Variants in GSTZ1 observed in about 807,000 individuals in gnomAD.
GSTZ1 encodes the protein glutathione S-transferase zeta 1.
A neutral mutation model predicts 35.9 loss-of-function variants in GSTZ1; 34 were observed. The ratio of observed to expected loss-of-function variants is 0.95; its 90% CI spans 0.72 to 1.26. The LOEUF (loss-of-function observed/expected upper bound fraction) is 1.26. Ranked by LOEUF, GSTZ1 falls within the 50% of genes most tolerant of loss-of-function variation. The probability of loss-of-function intolerance (pLI) is 0.00; values close to 1 mark genes in which losing one functional copy is unlikely to be tolerated. For missense variants in GSTZ1, 263 were observed against 271.7 expected, an observed-to-expected ratio of 0.97 and a Z score of 0.23; for synonymous variants, 93 against 101.2, an observed-to-expected ratio of 0.92 and a Z score of 0.49.
Position 77,321,186 on chromosome 14 carries a change from C to A in GSTZ1, c.15+3C>A. ...AGTGCCAGATGCAGGCGGGGAAGGTCTGTGACGCGCACCCGGGTGGAGGGA... is the reference window on the plus strand; with the variant it reads ...AGTGCCAGATGCAGGCGGGGAAGGTATGTGACGCGCACCCGGGTGGAGGGA... On this transcript the variant is annotated splice_donor_region_variant and intron_variant, in intron 1 of 8. Coordinates refer to ENST00000216465, the MANE Select transcript of GSTZ1 (RefSeq NM_145870.3). 2 of 1,480,474 alleles carry A rather than the reference C, an allele frequency of 1.4e-6. No individual in the cohort carries two copies. The highest frequency in any genetic ancestry group is 1.8e-6 in the Non-Finnish European group (2 of 1,108,152). The allele number at this position is 1,480,474 out of a possible 1,614,324, so 91.7% of individuals were successfully genotyped here.
At chr14:77,329,660 G>T in intron 6 of GSTZ1, 95 bp from the exon 7 acceptor site, 1 of 915,824 alleles carries the variant, frequency 1.1e-6, no homozygotes, top group Non-Finnish European at 1.8e-6. Flanking sequence ...TCACTCAGTT[G>T]GGCGCCCATT....
intron 1 of GSTZ1, among the ~76,000 whole-genome samples, chr14:77,321,718 T>C (rs1312900946): frequency 2.0e-5 from 3 of 151,972 alleles, no homozygotes; most frequent in Non-Finnish European, 4.4e-5. Context: ...CCTGTCTCTA[T>C]TAAAATACAA....
intron 1 of GSTZ1, among the ~76,000 whole-genome samples, chr14:77,321,777 G>A (rs1424328627): frequency 1.3e-5 from 2 of 152,058 alleles, no homozygotes; most frequent in Non-Finnish European, 2.9e-5. Context: ...CAGCTACTCG[G>A]GAGGCTGAGG....
chr14:77,323,797 T>C (rs1892153849), intron 1 of GSTZ1: 1 of 152,194 alleles, frequency 6.6e-6, no homozygotes, highest in Non-Finnish European at 1.5e-5. Context: ...GCTGTTTTTA[T>C]GGGGACAGCC....
chr14:77,324,205 C>G lies in GSTZ1; in HGVS notation c.16-665C>G, dbSNP rs147250776. ...AGTCTCGCTCTGGAGTGCAGTGGTG[C>G]GATCTCGGCCCACTGTGACCTCCAC... On this transcript the variant is annotated intron_variant, in intron 1 of 8. Coordinates refer to ENST00000216465, the MANE Select transcript of GSTZ1 (RefSeq NM_145870.3). The G allele has an allele frequency of 2.6e-3, 449 of 175,180 alleles. 4 individuals carry two copies. The highest frequency in any genetic ancestry group is 0.011 in the African/African-American group (431 of 37,998). The allele number at this position is 175,180 out of a possible 1,614,324, so 10.9% of individuals were successfully genotyped here.
intron 1 of GSTZ1, 24 bp from the exon 2 acceptor site, chr14:77,324,846 C>T (rs759000655): frequency 1.6e-5 from 26 of 1,612,374 alleles, no homozygotes; most frequent in Admixed American, 1.0e-4. Flanking sequence ...GGTTAACACG[C>T]GCCTTCATCC....
chr14:77,326,584 T>TG (rs1160572465), intron 2 of GSTZ1: 41 of 447,912 alleles, frequency 9.2e-5, no homozygotes, highest in Non-Finnish European at 5.4e-5. Flanking sequence ...AGGGCCCCAT[T>TG]GGGGGGGTCC....
intron 8 of GSTZ1, 59 bp from the exon 9 acceptor site, chr14:77,331,010 C>G (rs1892599963): frequency 3.9e-6 from 6 of 1,553,062 alleles, no homozygotes; most frequent in Non-Finnish European, 5.3e-6. Flanking sequence ...CCTGCTGCAT[C>G]AGGGCAGTCT....
chr14:77,327,028 A>C, intron 3 of GSTZ1, 123 bp downstream of exon 3: 1 of 718,568 alleles, frequency 1.4e-6, no homozygotes, highest in Non-Finnish European at 2.4e-6. Context: ...CTATCACTGC[A>C]GGAGGCTGCT....
intron 3 of GSTZ1, 150 bp from the exon 4 acceptor site, chr14:77,327,322 C>G: frequency 1.5e-6 from 1 of 648,556 alleles, no homozygotes; most frequent in Non-Finnish European, 2.8e-6. Context: ...GCATGGATCC[C>G]CCAGGGATTA....
At chr14:77,327,754 G>T (rs1892403706) in intron 4 of GSTZ1, 158 bp from the exon 5 acceptor site, 2 of 755,900 alleles carry the variant, frequency 2.6e-6, no homozygotes, top group African/African-American at 3.5e-5. Context: ...TGCATGATAA[G>T]GTCCAAAAAG....
chr14:77,327,656 AG>A, intron 4 of GSTZ1, 104 bp downstream of exon 4: 1 of 838,726 alleles, frequency 1.2e-6, no homozygotes, highest in Non-Finnish European at 2.0e-6. Context: ...CCTAGCACAT[AG>A]GAGAGGCTCA....
At chr14:77,330,679 C>G (rs1347239209) in intron 8 of GSTZ1, among the ~76,000 whole-genome samples, 1 of 152,160 alleles carries the variant, frequency 6.6e-6, no homozygotes, top group Non-Finnish European at 1.5e-5. Context: ...AGCTCTACCT[C>G]TGCATCCTTC....
intron 1 of GSTZ1, chr14:77,324,668 G>T: frequency 7.3e-7 from 1 of 1,376,632 alleles, no homozygotes; most frequent in African/African-American, 1.4e-5. Context: ...GGGGCCTCTT[G>T]GACCTCAGGA....
intron 8 of GSTZ1, 64 bp downstream of exon 8, chr14:77,330,423 T>A (rs1892563722): frequency 7.6e-7 from 1 of 1,307,628 alleles, no homozygotes; most frequent in South Asian, 1.2e-5. Context: ...CCCACTCAGC[T>A]GGCGAGATAG....
chr14:77,321,069 A>T lies in GSTZ1; in HGVS notation c.-100A>T. ...GCCCCTCGCTTTACCCGGACGAAAG[A>T]CACGGGCCTGATTCGTCGAGTCTCA... On this transcript the variant is annotated 5_prime_UTR_variant, in exon 1 of 9. Transcript: ENST00000216465. 1.6e-6 allele frequency: 2 copies of T among 1,251,598 alleles called. No homozygotes were observed. Among genetic ancestry groups the T allele is most frequent in the Admixed American group, 3.1e-5 (1 of 32,048 alleles). 77.5% of individuals were successfully genotyped at this position (1,251,598 alleles called of 1,614,324 possible). A position where few individuals can be genotyped will look rare whatever the true frequency, so the allele number is the denominator to read the frequency against.
Position 77,321,276 on chromosome 14 carries a change from G to C in GSTZ1, c.15+93G>C, listed in dbSNP as rs1404911919. The stretch of plus-strand genomic sequence containing the variant: ...GAAGTGAGCTGCACCGCCCGCCCAG[G>C]CCGACAACGACTCCCGGCATGCAGT... On this transcript the variant is annotated intron_variant, in intron 1 of 8. Coordinates refer to ENST00000216465, the MANE Select transcript of GSTZ1 (RefSeq NM_145870.3). The C allele has an allele frequency of 4.6e-6, 7 of 1,524,276 alleles. No individual in the cohort carries two copies. The South Asian group carries it at 7.2e-5, about 16-fold the overall frequency. The allele number at this position is 1,524,276 out of a possible 1,614,324, so 94.4% of individuals were successfully genotyped here. A position where few individuals can be genotyped will look rare whatever the true frequency, so the allele number is the denominator to read the frequency against.
At chr14:77,330,924 C>T (rs1892593834) in intron 8 of GSTZ1, 145 bp from the exon 9 acceptor site, 1 of 693,464 alleles carries the variant, frequency 1.4e-6, no homozygotes, top group Admixed American at 2.4e-5. Flanking sequence ...TACCCATCCC[C>T]TGTGAATAAG....
chr14:77,324,591 G>A, intron 1 of GSTZ1: 2 of 1,534,412 alleles, frequency 1.3e-6, no homozygotes, highest in Middle Eastern at 3.3e-4. Flanking sequence ...GAGGCTGAGG[G>A]TCACCACGAT....
Sources: allele counts gnomAD v4.1 joint callset (sites outside exome capture counted in the v4.1 genomes callset), GRCh38; gene constraint gnomAD v4.1.1; transcripts MANE v1.5; gene names NCBI Gene and HGNC (gene_info 2026-07-23, HGNC 2026-07-21).